Variants in KIF24 observed in about 807,000 individuals in gnomAD.
KIF24 encodes the protein kinesin-like protein KIF24.
KIF24 carries 81 observed loss-of-function variants against 118.9 expected under a neutral mutation model. The ratio of observed to expected loss-of-function variants is 0.68; its 90% CI spans 0.57 to 0.82. The LOEUF is 0.82. Among genes scored for constraint, KIF24 ranks in the 40% least tolerant of loss-of-function variants. KIF24 has a pLI of 0.00. For synonymous variants in KIF24, 599 were observed against 610.0 expected (o/e 0.98, Z 0.27); for missense variants, 1,560 against 1,661.6 (o/e 0.94, Z 1.06).
intron 8 of KIF24, among the ~76,000 whole-genome samples, chr9:34,264,416 C>T (rs141635831): frequency 3.4e-5 from 5 of 148,246 alleles, no homozygotes; most frequent in Non-Finnish European, 5.9e-5. Flanking sequence ...GGTGACAGAG[C>T]GAGACTCCGT....
chr9:34,265,473 A>T (rs1202769243), intron 8 of KIF24, among the ~76,000 whole-genome samples: 1 of 152,206 alleles, frequency 6.6e-6, no homozygotes, highest in Non-Finnish European at 1.5e-5. Context: ...CCTGGCCTAA[A>T]TGTTTTAAAA....
intron 2 of KIF24, among the ~76,000 whole-genome samples, chr9:34,307,582 T>C (rs1331538793): frequency 6.6e-6 from 1 of 151,976 alleles, no homozygotes; most frequent in African/African-American, 2.4e-5. Context: ...AAATGTACCA[T>C]TTTGAGGTAC....
intron 3 of KIF24, among the ~76,000 whole-genome samples, chr9:34,301,372 C>G (rs751640738): frequency 2.6e-5 from 4 of 152,020 alleles, no homozygotes; most frequent in Non-Finnish European, 5.9e-5. Context: ...CTCAGCCTCC[C>G]GAGTAGCTGG....
chr9:34,323,956 G>T (rs1304691288), intron 1 of KIF24, among the ~76,000 whole-genome samples: 1 of 152,176 alleles, frequency 6.6e-6, no homozygotes. Context: ...TTTAGAAAGT[G>T]ATCAGATAGC....
At chr9:34,302,469 A>T (rs1481899864) in intron 3 of KIF24, among the ~76,000 whole-genome samples, 8 of 138,560 alleles carry the variant, frequency 5.8e-5, no homozygotes, top group African/African-American at 2.2e-4. Flanking sequence ...ACGCTTGGCA[A>T]TTTTTTTTTT....
chr9:34,312,280 T>C (rs1345853892), intron 1 of KIF24, among the ~76,000 whole-genome samples: 1 of 152,196 alleles, frequency 6.6e-6, no homozygotes, highest in Non-Finnish European at 1.5e-5. Flanking sequence ...TTTTAAATAG[T>C]TGTATCTTTT....
chr9:34,311,662 ATATATACGTGTATATGTATATATATACG>A (rs1209953060), intron 1 of KIF24, among the ~76,000 whole-genome samples: 1 of 101,640 alleles, frequency 9.8e-6, no homozygotes. Context: ...GTGTATATAC[ATATATACGTGTATATGTATATATATACG>A]TATATATGTA....
chr9:34,293,955 G>C (rs1836358473), intron 4 of KIF24, among the ~76,000 whole-genome samples: 1 of 152,130 alleles, frequency 6.6e-6, no homozygotes, highest in Non-Finnish European at 1.5e-5. Flanking sequence ...ACTTTGAAAA[G>C]TTGTTTGACA....
Position 34,318,559 on chromosome 9 carries a change from C to A in KIF24, c.-25-7188G>T. The A allele has an allele frequency of 8.5e-7, 1 of 1,182,880 alleles. No individual in the cohort carries two copies. The highest frequency in any genetic ancestry group is 1.2e-6 in the Non-Finnish European group (1 of 807,654). The allele number at this position is 1,182,880 out of a possible 1,614,324, so 73.3% of individuals were successfully genotyped here. On this transcript the variant is annotated intron_variant, in intron 1 of 12. Transcript: ENST00000402558. The surrounding 1 kb of genome is among the most constrained non-coding windows in gnomAD (Gnocchi z 4.9). ...CCGAACACAGCGCCGGCCTGGCCTT[C>A]AGCCTGTACCAGGCCATGGCCAAGG...
chr9:34,267,321 T>C (rs957787937), intron 8 of KIF24, among the ~76,000 whole-genome samples: 1 of 152,116 alleles, frequency 6.6e-6, no homozygotes, highest in African/African-American at 2.4e-5. Context: ...AACTTTATAA[T>C]AGAGAAATTA....
intron 7 of KIF24, among the ~76,000 whole-genome samples, chr9:34,269,877 C>T (rs942712637): frequency 6.6e-6 from 1 of 151,882 alleles, no homozygotes; most frequent in Non-Finnish European, 1.5e-5. Context: ...CTGCTTGAGG[C>T]CAGGAGTTCT....
intron 2 of KIF24, among the ~76,000 whole-genome samples, chr9:34,307,216 C>A (rs889608289): frequency 6.6e-6 from 1 of 152,110 alleles, no homozygotes; most frequent in African/African-American, 2.4e-5. Flanking sequence ...TAGCATACAA[C>A]ACCGCAGCTG....
At chr9:34,273,277 C>T (rs1835571988) in intron 6 of KIF24, among the ~76,000 whole-genome samples, 1 of 150,914 alleles carries the variant, frequency 6.6e-6, no homozygotes, top group African/African-American at 2.4e-5. Flanking sequence ...CCTCCCACCT[C>T]GGCCTCCCAA....
At chr9:34,328,222 T>A (rs1217064283) in intron 1 of KIF24, among the ~76,000 whole-genome samples, 1 of 152,182 alleles carries the variant, frequency 6.6e-6, no homozygotes, top group African/African-American at 2.4e-5. Context: ...ATAGAGAGAC[T>A]ACAAAGCCTC....
chr9:34,332,932 A>G (rs927117451), upstream of KIF24, among the ~76,000 whole-genome samples: 5 of 152,226 alleles, frequency 3.3e-5, no homozygotes, highest in African/African-American at 1.2e-4. Flanking sequence ...AAAAGGGAAG[A>G]AAGAAACTGG....
intron 3 of KIF24, among the ~76,000 whole-genome samples, chr9:34,300,373 A>AT (rs754529903): frequency 0.028 from 4,130 of 145,146 alleles, 180 homozygotes; most frequent in African/African-American, 0.096. Context: ...ATCTGGTGGT[A>AT]TTTTTTTTTT....
At chr9:34,308,623 T>A (rs991191353) in intron 2 of KIF24, among the ~76,000 whole-genome samples, 26 of 152,192 alleles carry the variant, frequency 1.7e-4, no homozygotes, top group African/African-American at 5.5e-4. Context: ...TTAAAATCTT[T>A]AGTTGTTGGA....
chr9:34,312,790 C>T (rs1005993667), intron 1 of KIF24, among the ~76,000 whole-genome samples: 2 of 152,152 alleles, frequency 1.3e-5, no homozygotes, highest in East Asian at 3.8e-4. Flanking sequence ...CTTCCGCCTC[C>T]AGGTTCAAGC....
At chr9:34,330,568 T>A (rs984850957), upstream of KIF24, among the ~76,000 whole-genome samples, 3 of 152,258 alleles carry the variant, frequency 2.0e-5, no homozygotes, top group Non-Finnish European at 4.4e-5. Context: ...TCTACTCTTC[T>A]GAAAAATGGC....
Sources: gnomAD v4.1 joint callset for allele counts (sites outside exome capture counted in the v4.1 genomes callset) on GRCh38, gnomAD v4.1.1 for gene constraint, Gnocchi (gnomAD v3.1) non-coding constraint, MANE v1.5 for transcripts, NCBI Gene and HGNC (gene_info 2026-07-23, HGNC 2026-07-21) for gene names.